Variants in MIS18A observed in about 807,000 individuals in gnomAD.
MIS18A encodes MIS18 kinetochore protein A, also known as protein Mis18-alpha.
In MIS18A, 14 loss-of-function variants were observed where a neutral mutation model predicts 25.0. The observed-to-expected ratio is 0.56, with a 90% CI of 0.37 to 0.88. MIS18A has a LOEUF of 0.88. Ranked by LOEUF, MIS18A falls within the 40% of genes least tolerant of loss-of-function variation. The probability of loss-of-function intolerance (pLI) is 0.00; values close to 1 mark genes in which losing one functional copy is unlikely to be tolerated. For missense variants in MIS18A, 292 were observed against 290.8 expected (o/e 1.00, Z -0.03); for synonymous variants, 134 against 118.6 (o/e 1.13, Z -0.84).
chr21:32,187,160 G>A, the MIS18A span, among the ~76,000 whole-genome samples: 41 of 152,260 alleles, frequency 2.7e-4, no homozygotes, highest in South Asian at 2.3e-3. Flanking sequence ...TAAATAACCC[G>A]CCAACGATGA....
At chr21:32,271,943 G>C (rs2031722569) in intron 2 of MIS18A, among the ~76,000 whole-genome samples, 1 of 152,176 alleles carries the variant, frequency 6.6e-6, no homozygotes, top group Non-Finnish European at 1.5e-5. Context: ...CCAGAGGCTT[G>C]AACTCCCCAA....
At chr21:32,184,732 G>T in the MIS18A span, among the ~76,000 whole-genome samples, 3 of 152,118 alleles carry the variant, frequency 2.0e-5, no homozygotes, top group African/African-American at 7.2e-5. Context: ...GCCCACTACA[G>T]GTTGGGCTCC....
chr21:32,220,949 C>G, the MIS18A span, among the ~76,000 whole-genome samples: 3 of 151,708 alleles, frequency 2.0e-5, no homozygotes. Context: ...TGAAAAGAAA[C>G]AAACAAAGCC....
the MIS18A span, among the ~76,000 whole-genome samples, chr21:32,226,638 C>G: frequency 1.3e-5 from 2 of 152,082 alleles, no homozygotes. Context: ...AATAAATAGA[C>G]AAGTCAGCAA....
the MIS18A span, among the ~76,000 whole-genome samples, chr21:32,258,834 TTTTA>T: frequency 0.21 from 29,079 of 140,502 alleles, 3,498 homozygotes; most frequent in Non-Finnish European, 0.25. Flanking sequence ...AGGGTCTGCA[TTTTA>T]TTTATTTATT....
the MIS18A span, among the ~76,000 whole-genome samples, chr21:32,226,915 G>T: frequency 1.3e-5 from 2 of 152,120 alleles, no homozygotes; most frequent in African/African-American, 4.8e-5. Flanking sequence ...AATGAAATTA[G>T]AAATCAATCA....
the MIS18A span, among the ~76,000 whole-genome samples, chr21:32,163,499 A>C: frequency 1.1e-3 from 171 of 152,334 alleles, 1 homozygote; most frequent in Non-Finnish European, 7.8e-4. Context: ...ACCCAGGCCA[A>C]GGTTATGACC....
chr21:32,213,249 G>A, the MIS18A span, among the ~76,000 whole-genome samples: 23 of 152,202 alleles, frequency 1.5e-4, 1 homozygote, highest in East Asian at 4.4e-3. Flanking sequence ...GAAAGAGATT[G>A]GAAACAACCC....
the MIS18A span, among the ~76,000 whole-genome samples, chr21:32,243,577 G>T: frequency 6.6e-6 from 1 of 152,184 alleles, no homozygotes; most frequent in Non-Finnish European, 1.5e-5. Flanking sequence ...TGAGGATGCA[G>T]AGAAACTGGA....
At chr21:32,255,824 G>A in the MIS18A span, among the ~76,000 whole-genome samples, 1 of 151,480 alleles carries the variant, frequency 6.6e-6, no homozygotes, top group Non-Finnish European at 1.5e-5. Context: ...CTGGGACGCA[G>A]AGCTTGCAGA....
chr21:32,257,254 T>A, the MIS18A span, among the ~76,000 whole-genome samples: 1 of 152,220 alleles, frequency 6.6e-6, no homozygotes, highest in Admixed American at 6.5e-5. Flanking sequence ...ACTCAAATGA[T>A]GGCAAAAGGA....
At chr21:32,265,203 T>C (rs981383128), downstream of MIS18A, among the ~76,000 whole-genome samples, 1 of 152,154 alleles carries the variant, frequency 6.6e-6, no homozygotes, top group East Asian at 1.9e-4. Flanking sequence ...TCTCGGCACC[T>C]CCCCTGCCTG....
At chr21:32,211,759 C>T in the MIS18A span, among the ~76,000 whole-genome samples, 2 of 152,204 alleles carry the variant, frequency 1.3e-5, no homozygotes, top group South Asian at 4.1e-4. Flanking sequence ...CATAATCATG[C>T]AAGCTGCAAT....
At position 32,274,854 on chromosome 21, in the gene MIS18A, G is replaced by A. The variant is rs1315595623; in HGVS notation, c.377C>T (p.Ser126Phe). 2 of 1,612,572 alleles carry A rather than the reference G, an allele frequency of 1.2e-6. No homozygotes were observed. The highest frequency in any genetic ancestry group is 1.7e-6 in the Non-Finnish European group (2 of 1,179,026). The change falls in exon 2 of 5, where the codon TCC (serine) becomes TTC (phenylalanine). Residue 126 changes from serine (S) to phenylalanine (F), a missense_variant. Physicochemically the swap from Ser to Phe is radical, Grantham distance 155. Transcript: ENST00000290130. ...NVSVDKEQKL[S>F]KREKENGCVL... ...CCAACCATTTTCCTTTTCACGTTTG[G>A]ATAGCTTCTGTTCCTTATCCACAGA... is the stretch of plus-strand genomic sequence containing the variant.
chr21:32,226,558 A>G, the MIS18A span, among the ~76,000 whole-genome samples: 8 of 152,178 alleles, frequency 5.3e-5, no homozygotes, highest in Non-Finnish European at 1.0e-4. Context: ...AATTATAAAC[A>G]TAGAAGGACC....
At chr21:32,175,232 A>T in the MIS18A span, among the ~76,000 whole-genome samples, 2 of 152,146 alleles carry the variant, frequency 1.3e-5, no homozygotes, top group Non-Finnish European at 2.9e-5. Flanking sequence ...AAATGATATT[A>T]AAAATATCAA....
the MIS18A span, among the ~76,000 whole-genome samples, chr21:32,187,935 A>C: frequency 6.6e-6 from 1 of 152,122 alleles, no homozygotes; most frequent in South Asian, 2.1e-4. Context: ...AGATGAGGTC[A>C]TGAGGGTCGG....
chr21:32,267,705 AG>A, downstream of MIS18A, among the ~76,000 whole-genome samples: 1 of 152,188 alleles, frequency 6.6e-6, no homozygotes, highest in East Asian at 1.9e-4. Flanking sequence ...TCATCTGTTT[AG>A]AATGCATTTT....
At chr21:32,222,934 C>CAAAAAAAAAAA in the MIS18A span, among the ~76,000 whole-genome samples, 3 of 65,904 alleles carry the variant, frequency 4.6e-5, no homozygotes, top group Admixed American at 1.9e-4. Context: ...GACTCCGTCT[C>CAAAAAAAAAAA]AAAAAAAAAA....
Sources: allele counts gnomAD v4.1 joint callset (sites outside exome capture counted in the v4.1 genomes callset), GRCh38; gene constraint gnomAD v4.1.1; transcripts MANE v1.5; gene names NCBI Gene and HGNC (gene_info 2026-07-23, HGNC 2026-07-21).